The following NOL4 variants were observed in gnomAD, a reference collection of about 807,000 sequenced individuals.
NOL4 encodes the protein nucleolar protein 4.
A neutral mutation model predicts 75.9 loss-of-function variants in NOL4; 17 were observed. The ratio of observed to expected loss-of-function variants is 0.22; its 90% confidence interval spans 0.15 to 0.34. The LOEUF is 0.34. NOL4 is among the 10% of genes least tolerant of loss of function. NOL4 has a pLI of 1.00. For synonymous variants in NOL4, 292 were observed against 289.9 expected (o/e 1.01, Z -0.07); for missense variants, 614 against 793.5 (o/e 0.77, Z 2.72).
rs1375650416 is a variant in NOL4 at position 33,903,450 on chromosome 18, C to T, written c.1543-20026G>A. 4.6e-5 allele frequency among the ~76,000 whole-genome samples: 7 copies of T among 152,060 alleles called. No individual in the cohort carries two copies. In the East Asian group the frequency reaches 1.3e-3, roughly 29 times the overall value. On this transcript the variant is annotated intron_variant, in intron 9 of 10. Coordinates refer to ENST00000261592, the MANE Select transcript of NOL4 (RefSeq NM_003787.5). ...ACTTATCAGGTACTATTAAGCAATC[C>T]TTGTGCTGTTAAGTTACAGGGTTTT...
At chr18:34,039,977 T>A (rs1244006119) in intron 5 of NOL4, among the ~76,000 whole-genome samples, 1 of 152,016 alleles carries the variant, frequency 6.6e-6, no homozygotes, top group South Asian at 2.1e-4. Flanking sequence ...TAGGCTAATG[T>A]AAGTATTCTG....
intron 5 of NOL4, among the ~76,000 whole-genome samples, chr18:34,072,227 AAAAC>A (rs1389343442): frequency 2.0e-5 from 3 of 152,298 alleles, no homozygotes; most frequent in South Asian, 2.1e-4. Flanking sequence ...TCCATCTCAA[AAAAC>A]AAACAAACAA....
intron 2 of NOL4, among the ~76,000 whole-genome samples, chr18:34,118,777 T>C (rs1258658212): frequency 6.6e-6 from 1 of 152,210 alleles, no homozygotes; most frequent in Non-Finnish European, 1.5e-5. Flanking sequence ...TTTTCTTTTC[T>C]ATTAAAATAT....
At chr18:33,928,729 T>C (rs889300243) in intron 9 of NOL4, among the ~76,000 whole-genome samples, 3 of 152,174 alleles carry the variant, frequency 2.0e-5, no homozygotes, top group African/African-American at 7.2e-5. Context: ...AAAACAATAA[T>C]GTCTGTTTAA....
At position 34,059,871 on chromosome 18, in the gene NOL4, G is replaced by A. The variant is rs8091784; in HGVS notation, c.772+33594C>T. The stretch of plus-strand genomic sequence containing the variant: ...TGAAGAGGAAGAGGCTCTGACACCC[G>A]GAGAGAAACAGACCCAAATGGTCTA... On this transcript the variant is annotated intron_variant, in intron 5 of 10. Transcript: ENST00000261592. 6.9e-4 allele frequency among the ~76,000 whole-genome samples: 105 copies of A among 152,180 alleles called. 2 individuals carry two copies. The highest frequency in any genetic ancestry group is 2.5e-3 in the African/African-American group (102 of 41,528).
intron 1 of NOL4, among the ~76,000 whole-genome samples, chr18:34,217,224 C>A (rs957866553): frequency 1.3e-5 from 2 of 152,022 alleles, no homozygotes; most frequent in Non-Finnish European, 2.9e-5. Context: ...TAGAATAAAT[C>A]TTAATAATAC....
At chr18:34,164,520 A>C (rs9947972) in intron 1 of NOL4, among the ~76,000 whole-genome samples, 73,766 of 151,950 alleles carry the variant, frequency 0.49, 18,018 homozygotes, top group Admixed American at 0.56. Flanking sequence ...CATCAGAGAG[A>C]TGCAAATCAA....
intron 2 of NOL4, among the ~76,000 whole-genome samples, chr18:34,120,469 C>A (rs1216496194): frequency 6.6e-6 from 1 of 152,114 alleles, no homozygotes; most frequent in East Asian, 1.9e-4. Flanking sequence ...AAACACTGTT[C>A]TAAAGCAGAG....
chr18:33,862,605 A>G (rs1235720098), intron 10 of NOL4, among the ~76,000 whole-genome samples: 3 of 152,196 alleles, frequency 2.0e-5, no homozygotes, highest in Non-Finnish European at 4.4e-5. Context: ...CAAAAAGTGG[A>G]CAAAGGACAC....
At chr18:33,873,091 A>G (rs1304473463) in intron 10 of NOL4, among the ~76,000 whole-genome samples, 1 of 152,048 alleles carries the variant, frequency 6.6e-6, no homozygotes, top group Non-Finnish European at 1.5e-5. Flanking sequence ...TAGATCACAC[A>G]GTCACTTTTC....
chr18:34,056,616 C>A (rs1344858114), intron 5 of NOL4, among the ~76,000 whole-genome samples: 4 of 152,154 alleles, frequency 2.6e-5, no homozygotes, highest in African/African-American at 7.2e-5. Context: ...ATCTGACTCA[C>A]AATCCACTCT....
At chr18:34,073,133 C>T (rs1009378316) in intron 5 of NOL4, among the ~76,000 whole-genome samples, 2 of 151,960 alleles carry the variant, frequency 1.3e-5, no homozygotes, top group South Asian at 4.1e-4. Context: ...GCTAGATGCT[C>T]ATTTGTGATA....
intron 1 of NOL4, among the ~76,000 whole-genome samples, chr18:34,180,161 C>G (rs771446124): frequency 1.3e-5 from 2 of 151,380 alleles, no homozygotes; most frequent in Non-Finnish European, 3.0e-5. Flanking sequence ...AGCCTTATCC[C>G]AAAATCATGC....
chr18:33,989,224 T>C (rs1182502202), intron 6 of NOL4, among the ~76,000 whole-genome samples: 1 of 145,478 alleles, frequency 6.9e-6, no homozygotes, highest in East Asian at 2.0e-4. Context: ...AAAAAATCAT[T>C]GGCAAGTCAT....
chr18:33,952,677 C>A (rs2069321879), intron 8 of NOL4, among the ~76,000 whole-genome samples: 1 of 152,300 alleles, frequency 6.6e-6, no homozygotes, highest in Middle Eastern at 3.4e-3. Flanking sequence ...GTAATCCCAG[C>A]ACTTTGGGAG....
chr18:34,094,276 T>C (rs953862340), intron 4 of NOL4, among the ~76,000 whole-genome samples: 5 of 152,194 alleles, frequency 3.3e-5, no homozygotes, highest in South Asian at 2.1e-4. Flanking sequence ...AAAATTTTCA[T>C]TGGCAAACAG....
At chr18:33,968,929 T>C (rs2070823934) in intron 6 of NOL4, among the ~76,000 whole-genome samples, 1 of 152,194 alleles carries the variant, frequency 6.6e-6, no homozygotes, top group Non-Finnish European at 1.5e-5. Context: ...AGAAAAATAA[T>C]TCAGTCTTTA....
At chr18:33,949,334 G>A (rs1192870195) in intron 8 of NOL4, among the ~76,000 whole-genome samples, 1 of 152,000 alleles carries the variant, frequency 6.6e-6, no homozygotes, top group East Asian at 1.9e-4. Flanking sequence ...TTCGTCCTGG[G>A]CAATCATGGG....
chr18:33,858,973 T>C (rs1321491052), intron 10 of NOL4, among the ~76,000 whole-genome samples: 4 of 152,096 alleles, frequency 2.6e-5, no homozygotes, highest in Non-Finnish European at 4.4e-5. Context: ...AATTTTATAC[T>C]GTTTAAACTT....
Sources: allele counts gnomAD v4.1 joint callset (sites outside exome capture counted in the v4.1 genomes callset), GRCh38; gene constraint gnomAD v4.1.1; transcripts MANE v1.5; gene names NCBI Gene and HGNC (gene_info 2026-07-23, HGNC 2026-07-21).